RTL4: variants seen among roughly 807,000 people sequenced by gnomAD.
RTL4 encodes retrotransposon Gag-like protein 4.
In RTL4, 4 loss-of-function variants were observed where a neutral mutation model predicts 5.3. The ratio of observed to expected loss-of-function variants is 0.75; its 90% CI spans 0.37 to 1.72. RTL4 has a LOEUF of 1.72. Among genes scored for constraint, RTL4 ranks in the 40% most tolerant of loss-of-function variants. The probability of loss-of-function intolerance (pLI) is 0.04; values close to 1 mark genes in which losing one functional copy is unlikely to be tolerated. For synonymous variants in RTL4, 98 were observed against 87.3 expected, an observed-to-expected ratio of 1.12 and a Z score of -0.68; for missense variants, 260 against 227.1, an observed-to-expected ratio of 1.14 and a Z score of -0.93.
At chrX:112,324,495 A>G in the RTL4 span, among the ~76,000 whole-genome samples, 85 of 110,957 alleles carry the variant, frequency 7.7e-4, no homozygotes, top group Non-Finnish European at 7.9e-4. Context: ...TCGGTCTTTA[A>G]TCCATTGTTT....
At chrX:112,114,277 G>A in the RTL4 span, among the ~76,000 whole-genome samples, 2 of 111,513 alleles carry the variant, frequency 1.8e-5, no homozygotes, top group Non-Finnish European at 3.8e-5. Flanking sequence ...CTGAGTCGAG[G>A]TCCCAGTGGG....
At chrX:112,455,911 C>T (rs978612682) in exon 1 of RTL4, 2 of 364,530 alleles carry the variant, frequency 5.5e-6, no homozygotes. Flanking sequence ...TCTCCAAGAG[C>T]ACCAAAAACC....
At chrX:112,437,849 G>A in the RTL4 span, among the ~76,000 whole-genome samples, 1 of 86,261 alleles carries the variant, frequency 1.2e-5, no homozygotes, top group Non-Finnish European at 2.3e-5. Flanking sequence ...TGGTGGTGGT[G>A]GTGGTGGTAG....
chrX:112,140,843 A>G, the RTL4 span, among the ~76,000 whole-genome samples: 1 of 112,237 alleles, frequency 8.9e-6, no homozygotes. Flanking sequence ...ATACATTTCT[A>G]TGAGGTTTGA....
the RTL4 span, among the ~76,000 whole-genome samples, chrX:112,359,222 G>C: frequency 9.0e-6 from 1 of 111,594 alleles, no homozygotes; most frequent in African/African-American, 3.3e-5. Flanking sequence ...GGCACACAAT[G>C]CATAATAATC....
At chrX:112,201,999 G>GTGT in the RTL4 span, among the ~76,000 whole-genome samples, 1 of 109,005 alleles carries the variant, frequency 9.2e-6, no homozygotes, top group Admixed American at 9.8e-5. Flanking sequence ...GTGTGTGTGT[G>GTGT]TTTACTTCTA....
At chrX:112,177,895 T>G in the RTL4 span, among the ~76,000 whole-genome samples, 2 of 110,007 alleles carry the variant, frequency 1.8e-5, no homozygotes, top group African/African-American at 6.6e-5. Flanking sequence ...TCTGTCTTTG[T>G]AGTGCAAACA....
chrX:112,088,193 G>A, the RTL4 span, among the ~76,000 whole-genome samples: 1 of 108,354 alleles, frequency 9.2e-6, no homozygotes, highest in Non-Finnish European at 1.9e-5. Context: ...CTGTATCCCT[G>A]AATCAATCAC....
chrX:112,186,974 A>AT, the RTL4 span, among the ~76,000 whole-genome samples: 5 of 111,363 alleles, frequency 4.5e-5, no homozygotes. Flanking sequence ...AAGTCAAGAT[A>AT]TTTTTTCTCC....
the RTL4 span, among the ~76,000 whole-genome samples, chrX:112,183,488 C>CA: frequency 0.012 from 1,300 of 107,476 alleles, 13 homozygotes; most frequent in Non-Finnish European, 0.021. Context: ...AAATGGAAAG[C>CA]AAAAAAAAAG....
At chrX:112,119,338 G>A in the RTL4 span, among the ~76,000 whole-genome samples, 2,549 of 110,329 alleles carry the variant, frequency 0.023, 34 homozygotes, top group Non-Finnish European at 0.034. Flanking sequence ...CTGCAGGAGA[G>A]GTCAAGGTCA....
the RTL4 span, among the ~76,000 whole-genome samples, chrX:112,447,527 T>C: frequency 0.2 from 21,856 of 111,590 alleles, 1,782 homozygotes; most frequent in Middle Eastern, 0.26. Flanking sequence ...TTCCAGAACA[T>C]AGTGGTGTTA....
the RTL4 span, among the ~76,000 whole-genome samples, chrX:112,131,091 G>A: frequency 1.2e-4 from 13 of 109,714 alleles, no homozygotes; most frequent in South Asian, 3.8e-3. Flanking sequence ...GAGCCACTGC[G>A]CCCTGCCTGG....
the RTL4 span, among the ~76,000 whole-genome samples, chrX:112,200,224 T>A: frequency 8.9e-6 from 1 of 111,743 alleles, no homozygotes; most frequent in Non-Finnish European, 1.9e-5. Flanking sequence ...GTGACCTAAG[T>A]CAACACAGAC....
chrX:112,183,849 A>G, the RTL4 span, among the ~76,000 whole-genome samples: 1 of 111,833 alleles, frequency 8.9e-6, no homozygotes. Context: ...TATTTGTGCC[A>G]CATTTTCTTA....
chrX:112,435,071 G>A, the RTL4 span, among the ~76,000 whole-genome samples: 1 of 111,116 alleles, frequency 9.0e-6, no homozygotes, highest in Non-Finnish European at 1.9e-5. Context: ...TCATTGTCAT[G>A]AGAACAGCAT....
chrX:112,264,827 T>C, the RTL4 span, among the ~76,000 whole-genome samples: 1 of 112,254 alleles, frequency 8.9e-6, no homozygotes, highest in South Asian at 3.7e-4. Flanking sequence ...GCCCTTGGAA[T>C]TGTCTTTGGA....
At chrX:112,169,346 T>G in the RTL4 span, among the ~76,000 whole-genome samples, 1 of 109,974 alleles carries the variant, frequency 9.1e-6, no homozygotes, top group South Asian at 4.0e-4. Flanking sequence ...ACTCCTGACC[T>G]CAGGTGATCC....
the RTL4 span, among the ~76,000 whole-genome samples, chrX:112,160,418 A>C: frequency 8.9e-6 from 1 of 112,192 alleles, no homozygotes. Flanking sequence ...TCATTCCACA[A>C]GCTTTATCTA....
Sources: gnomAD v4.1 joint callset for allele counts (sites outside exome capture counted in the v4.1 genomes callset) on GRCh38, gnomAD v4.1.1 for gene constraint, MANE v1.5 for transcripts, NCBI Gene and HGNC (gene_info 2026-07-23, HGNC 2026-07-21) for gene names.